ANKRD42: variants seen among roughly 807,000 people sequenced by gnomAD.
ANKRD42 encodes ankyrin repeat domain 42.
A neutral mutation model predicts 51.5 loss-of-function variants in ANKRD42; 43 were observed. That is an observed-to-expected ratio of 0.83 (90% confidence interval 0.65 to 1.08). ANKRD42 has a LOEUF of 1.08. ANKRD42 is among the 50% of genes least tolerant of loss of function. The pLI is 0.00. For missense variants in ANKRD42, 608 were observed against 629.3 expected (o/e 0.97, Z 0.36); for synonymous variants, 203 against 213.0 (o/e 0.95, Z 0.41).
downstream of ANKRD42, among the ~76,000 whole-genome samples, chr11:83,258,608 A>T (rs532169160): frequency 1.3e-5 from 2 of 152,298 alleles, no homozygotes; most frequent in South Asian, 4.2e-4. Context: ...AGCTGTGAAA[A>T]TAGGTGAGCA....
chr11:83,252,083 T>TA (rs1405492387), downstream of ANKRD42, among the ~76,000 whole-genome samples: 4 of 152,082 alleles, frequency 2.6e-5, no homozygotes, highest in Non-Finnish European at 5.9e-5. Flanking sequence ...GACAGTCCAG[T>TA]AAAAAAACTG....
At chr11:83,194,871 C>A in intron 1 of ANKRD42, 143 bp downstream of exon 1, 1 of 813,190 alleles carries the variant, frequency 1.2e-6, no homozygotes, top group Non-Finnish European at 1.9e-6. Flanking sequence ...CAGGGGATAC[C>A]AAAGCTGTTC....
chr11:83,206,589 C>T (rs1862083997), intron 3 of ANKRD42, among the ~76,000 whole-genome samples: 1 of 152,108 alleles, frequency 6.6e-6, no homozygotes, highest in Non-Finnish European at 1.5e-5. Context: ...TGCAAGAGAC[C>T]TCAGAGAGCT....
At chr11:83,257,444 T>C (rs1268331363), downstream of ANKRD42, 5 of 391,862 alleles carry the variant, frequency 1.3e-5, no homozygotes, top group Non-Finnish European at 2.0e-5. Flanking sequence ...AAAGCCATAG[T>C]TGTTTTTTGG....
At chr11:83,256,153 A>T, downstream of ANKRD42, 1 of 313,524 alleles carries the variant, frequency 3.2e-6, no homozygotes, top group South Asian at 8.4e-5. Context: ...ATCTCTACAC[A>T]GGCAAGTCAA....
chr11:83,195,840 TCTC>T (rs1861626973), intron 1 of ANKRD42, among the ~76,000 whole-genome samples: 1 of 149,794 alleles, frequency 6.7e-6, no homozygotes, highest in African/African-American at 2.5e-5. Flanking sequence ...ACTCTCTCTC[TCTC>T]TCTTTTTTTT....
chr11:83,223,460 T>C (rs2135525180), intron 5 of ANKRD42, among the ~76,000 whole-genome samples: 1 of 152,190 alleles, frequency 6.6e-6, no homozygotes. Flanking sequence ...GTAAAATTTG[T>C]TGATGGATTA....
chr11:83,239,261 T>C (rs546142556), intron 8 of ANKRD42, among the ~76,000 whole-genome samples: 17 of 152,302 alleles, frequency 1.1e-4, no homozygotes, highest in African/African-American at 4.1e-4. Flanking sequence ...CTTTAAAAAA[T>C]TGAATTGTTT....
chr11:83,244,777 A>G (rs1863492839), intron 9 of ANKRD42, among the ~76,000 whole-genome samples: 1 of 152,242 alleles, frequency 6.6e-6, no homozygotes, highest in African/African-American at 2.4e-5. Flanking sequence ...TTGCATAGGT[A>G]CTACAAGTGA....
chr11:83,213,456 A>G (rs1862406343), intron 5 of ANKRD42: 7 of 1,413,998 alleles, frequency 5.0e-6, no homozygotes, highest in Non-Finnish European at 6.5e-6. Flanking sequence ...AACTGCAAAG[A>G]AAAACCAAAA....
At chr11:83,221,809 CTTAG>C (rs1156485483) in intron 5 of ANKRD42, among the ~76,000 whole-genome samples, 1 of 152,182 alleles carries the variant, frequency 6.6e-6, no homozygotes, top group African/African-American at 2.4e-5. Flanking sequence ...TCTCCTTTGG[CTTAG>C]TTACAGAGCA....
At chr11:83,212,973 A>G in intron 5 of ANKRD42, 5 of 1,593,520 alleles carry the variant, frequency 3.1e-6, no homozygotes, top group South Asian at 1.1e-5. Flanking sequence ...GGCGCTGCCT[A>G]CGGAGGTGGC....
intron 2 of ANKRD42, among the ~76,000 whole-genome samples, chr11:83,204,882 A>G (rs1862010539): frequency 6.6e-6 from 1 of 152,234 alleles, no homozygotes; most frequent in Non-Finnish European, 1.5e-5. Flanking sequence ...AAGAGTACAT[A>G]TGGATGGCAA....
At chr11:83,227,898 T>C (rs1319004591) in intron 7 of ANKRD42, 26 bp downstream of exon 7, 1 of 1,576,162 alleles carries the variant, frequency 6.3e-7, no homozygotes, top group East Asian at 2.3e-5. Context: ...TCCTTTCAGT[T>C]CGGATACAAT....
chr11:83,215,898 A>G (rs1375218316), intron 5 of ANKRD42, among the ~76,000 whole-genome samples: 2 of 151,768 alleles, frequency 1.3e-5, no homozygotes, highest in Non-Finnish European at 2.9e-5. Context: ...TGGGTTCAAG[A>G]GATTCTCCTG....
chr11:83,202,778 A>G (rs1386198885), intron 2 of ANKRD42, among the ~76,000 whole-genome samples: 2 of 152,132 alleles, frequency 1.3e-5, no homozygotes, highest in Non-Finnish European at 2.9e-5. Context: ...TTTATTCTCT[A>G]TTAGATTTTG....
chr11:83,245,882 C>T (rs1049614590), intron 10 of ANKRD42, among the ~76,000 whole-genome samples: 3 of 152,198 alleles, frequency 2.0e-5, no homozygotes, highest in Non-Finnish European at 4.4e-5. Context: ...CGTTGTGCAA[C>T]CAATCTCCAG....
intron 6 of ANKRD42, among the ~76,000 whole-genome samples, chr11:83,227,338 C>T (rs916768877): frequency 2.0e-5 from 3 of 152,118 alleles, no homozygotes; most frequent in East Asian, 1.9e-4. Context: ...GTCTTGAACT[C>T]GTGACCTCAA....
chr11:83,257,080 T>A (rs1489203890), downstream of ANKRD42, among the ~76,000 whole-genome samples: 1 of 151,978 alleles, frequency 6.6e-6, no homozygotes, highest in Non-Finnish European at 1.5e-5. Flanking sequence ...AATATAAGGG[T>A]TATTAAAAGG....
Sources: allele counts gnomAD v4.1 joint callset (sites outside exome capture counted in the v4.1 genomes callset), GRCh38; gene constraint gnomAD v4.1.1; transcripts MANE v1.5; gene names NCBI Gene and HGNC (gene_info 2026-07-23, HGNC 2026-07-21).